SCAF11: variants seen among roughly 807,000 people sequenced by gnomAD.
SCAF11 encodes the protein SR-related CTD associated factor 11.
Under a neutral mutation model 140.5 loss-of-function variants are expected in SCAF11, and 47 were observed. The ratio of observed to expected loss-of-function variants is 0.33; its 90% CI spans 0.26 to 0.43. The LOEUF is 0.43. SCAF11 is among the 20% of genes least tolerant of loss of function. The pLI is 1.00. For missense variants in SCAF11, 1,645 were observed against 1,705.1 expected (o/e 0.96, Z 0.62); for synonymous variants, 557 against 579.4 (o/e 0.96, Z 0.55).
chr12:45,950,042 T>C (rs545462809), intron 4 of SCAF11, among the ~76,000 whole-genome samples: 5 of 152,224 alleles, frequency 3.3e-5, no homozygotes, highest in South Asian at 2.1e-4. Context: ...CATACATACA[T>C]ACATACATAC....
chr12:45,959,815 T>C (rs1234084590), intron 3 of SCAF11, among the ~76,000 whole-genome samples: 1 of 152,220 alleles, frequency 6.6e-6, no homozygotes, highest in Non-Finnish European at 1.5e-5. Flanking sequence ...TTTATTTAAA[T>C]GATGATTGCT....
Position 45,948,555 on chromosome 12 carries a change from T to A in SCAF11, c.298-18A>T. The A allele has an allele frequency of 6.9e-7, 1 of 1,446,594 alleles. No individual in the cohort carries two copies. Among genetic ancestry groups the A allele is most frequent in the Non-Finnish European group, 9.6e-7 (1 of 1,036,506 alleles). The allele number at this position is 1,446,594 out of a possible 1,614,324, so 89.6% of individuals were successfully genotyped here. ...ACTTGAACCTATGAGAAAAGCAAAA[T>A]CAATTTAGAGCAACAATCCAGCCTT... On this transcript the variant is annotated intron_variant, in intron 4 of 14. Transcript: ENST00000369367.
At chr12:45,977,824 T>G (rs1358013991) in intron 1 of SCAF11, among the ~76,000 whole-genome samples, 1 of 152,110 alleles carries the variant, frequency 6.6e-6, no homozygotes, top group Non-Finnish European at 1.5e-5. Context: ...CTGACAGTTC[T>G]GAGAGACAAC....
At chr12:45,966,645 T>C (rs1945956941) in intron 1 of SCAF11, among the ~76,000 whole-genome samples, 1 of 152,088 alleles carries the variant, frequency 6.6e-6, no homozygotes, top group Non-Finnish European at 1.5e-5. Context: ...GAGACAGTTA[T>C]GTGAATATCA....
intron 3 of SCAF11, among the ~76,000 whole-genome samples, chr12:45,959,475 G>A (rs925740423): frequency 6.6e-6 from 1 of 152,154 alleles, no homozygotes; most frequent in Non-Finnish European, 1.5e-5. Flanking sequence ...CATAAGGCAT[G>A]GCCTGTTAGA....
chr12:45,936,054 C>A (rs1195105763), intron 6 of SCAF11, among the ~76,000 whole-genome samples: 3 of 152,062 alleles, frequency 2.0e-5, no homozygotes, highest in Non-Finnish European at 2.9e-5. Context: ...TTTCTGCTTC[C>A]CCAAAGCACT....
In SCAF11 at chr12:45,928,004, C is replaced by A. The variant is rs757867125; in HGVS notation, c.1697G>T (p.Cys566Phe). Reference protein sequence around the residue: ...SESKVYQPVSCPLSDLSENVE... With the variant: ...SESKVYQPVSFPLSDLSENVE... Reference sequence around the variant, plus strand: ...ATTCTCAGATAAGTCACTTAGGGGACAAGATACAGGTTGGTACACTTTGCT... The same window carrying A: ...ATTCTCAGATAAGTCACTTAGGGGAAAAGATACAGGTTGGTACACTTTGCT... The change falls in exon 11 of 15, where the codon TGT becomes TTT. Residue 566 changes from cysteine (C) to phenylalanine (F), a missense_variant. By Grantham distance (205) the Cys-to-Phe change is radical. Transcript: ENST00000369367. The A allele has an allele frequency of 2.5e-6, 4 of 1,613,062 alleles. No individual in the cohort carries two copies. The highest frequency in any genetic ancestry group is 3.4e-6 in the Non-Finnish European group (4 of 1,179,970).
Position 45,961,778 on chromosome 12 carries a change from A to C in SCAF11, c.141T>G (p.Cys47Trp). Residue 47 changes from cysteine (C) to tryptophan (W), a missense_variant, in exon 3 of 15, where the codon TGT becomes TGG. By Grantham distance (215) the Cys-to-Trp change is radical. Transcript: ENST00000369367. ...GAAAACCAACTTCCTTTTCTAATAG[A>C]CAATTAAGACATATTGGGCATCTGT... Reference protein sequence around the residue: ...EADRCPICLNCLLEKEVGFPE... With the variant: ...EADRCPICLNWLLEKEVGFPE... The C allele has an allele frequency of 6.2e-7, 1 of 1,613,096 alleles. No homozygotes were observed. The highest frequency in any genetic ancestry group is 8.5e-7 in the Non-Finnish European group (1 of 1,179,284).
rs1944722249 is a variant in SCAF11 at position 45,921,870 on chromosome 12, C to T, written c.*178G>A. On this transcript the variant is annotated 3_prime_UTR_variant, in exon 15 of 15. Transcript: ENST00000369367. Reference sequence around the variant, plus strand: ...GGAGGGTGGAGGGGAAGGAAGGATACAGAAGTTGCAGTGCAGACCTATATT... The same window carrying T: ...GGAGGGTGGAGGGGAAGGAAGGATATAGAAGTTGCAGTGCAGACCTATATT... 1.6e-6 allele frequency: 1 copy of T among 640,938 alleles called. No individual in the cohort carries two copies. The allele number at this position is 640,938 out of a possible 1,614,324, so 39.7% of individuals were successfully genotyped here.
At chr12:45,991,790 C>T, upstream of SCAF11, 2 of 942,728 alleles carry the variant, frequency 2.1e-6, no homozygotes, top group Non-Finnish European at 2.7e-6. Flanking sequence ...TCAGTGTCCC[C>T]CATCTACCAG....
Position 45,987,963 on chromosome 12 carries a change from T to C in SCAF11, c.-22+2390A>G, listed in dbSNP as rs547713341. Among the ~76,000 whole-genome samples, 6 of 152,326 alleles carry C rather than the reference T, an allele frequency of 3.9e-5. No homozygotes were observed. The East Asian group carries it at 5.8e-4, about 15-fold the overall frequency. ...ACTAGGATTTCATACATTAAGTTCA[T>C]AGACACAACTTAAAAAAATACAATG... On this transcript the variant is annotated intron_variant, in intron 1 of 14. Coordinates refer to ENST00000369367, the MANE Select transcript of SCAF11 (RefSeq NM_004719.3).
At chr12:45,968,315 T>C (rs1167419368) in intron 1 of SCAF11, among the ~76,000 whole-genome samples, 1 of 152,212 alleles carries the variant, frequency 6.6e-6, no homozygotes, top group Non-Finnish European at 1.5e-5. Flanking sequence ...CTAGGCTTTA[T>C]CTTTCCAAGC....
Position 45,927,047 on chromosome 12 carries a change from C to T in SCAF11, c.2654G>A (p.Arg885Lys), listed in dbSNP as rs1944888538. ...SRRSESLSPRRETSRENKRSQ... is the reference protein window; with the variant it reads ...SRRSESLSPRKETSRENKRSQ... Reference sequence around the variant, plus strand: ...TCTTTTGTTCTCTCTAGAAGTTTCTCTTCTTGGGGACAGTGATTCAGATCT... The same window carrying T: ...TCTTTTGTTCTCTCTAGAAGTTTCTTTTCTTGGGGACAGTGATTCAGATCT... The change falls in exon 11 of 15, where the codon AGA (arginine) becomes AAA (lysine). Residue 885 changes from arginine to lysine, a missense_variant. Coordinates refer to ENST00000369367, the MANE Select transcript of SCAF11 (RefSeq NM_004719.3). 1.2e-6 allele frequency: 2 copies of T among 1,614,070 alleles called. No homozygotes were observed. The highest frequency in any genetic ancestry group is 1.3e-5 in the African/African-American group (1 of 75,022).
At position 45,928,511 on chromosome 12, in the gene SCAF11, G is replaced by A; in HGVS notation, c.1190C>T (p.Pro397Leu). ...KKKLRSSVAA[P>L]EKSSSNDSVD... ...TGAATCATTGGAAGATGATTTTTCA[G>A]GGGCAGCTACAGAGCTCCGAAGTTT... is the stretch of plus-strand genomic sequence containing the variant. The change falls in exon 11 of 15, where the codon CCT becomes CTT. Residue 397 changes from proline to leucine, a missense_variant. Around this residue, in one of 2 missense-constraint regions of SCAF11, gnomAD observed 1,582 missense variants for 1,609.2 expected, o/e 0.98. Coordinates refer to ENST00000369367, the MANE Select transcript of SCAF11 (RefSeq NM_004719.3). 1 of 1,613,562 alleles carries A rather than the reference G, an allele frequency of 6.2e-7. No individual in the cohort carries two copies. Among genetic ancestry groups the A allele is most frequent in the Non-Finnish European group, 8.5e-7 (1 of 1,179,814 alleles).
chr12:45,981,396 C>T (rs1156680536), intron 1 of SCAF11, among the ~76,000 whole-genome samples: 1 of 152,058 alleles, frequency 6.6e-6, no homozygotes, highest in Non-Finnish European at 1.5e-5. Flanking sequence ...AAGAAATAAC[C>T]CTGATATTAA....
rs868454279 is a variant in SCAF11 at position 45,990,271 on chromosome 12, G to C, written c.-22+82C>G. On this transcript the variant is annotated intron_variant, in intron 1 of 14. Coordinates refer to ENST00000369367, the MANE Select transcript of SCAF11 (RefSeq NM_004719.3). The stretch of plus-strand genomic sequence containing the variant: ...CTCGCGTCGCCCTAGGCCCGCTCCA[G>C]CGCTCTGCGCCGGCCGCTAACCCTC... 47 of 1,230,142 alleles carry C rather than the reference G, an allele frequency of 3.8e-5. 1 individual carries two copies. In the Middle Eastern group the frequency reaches 9.3e-4, roughly 24 times the overall value. 76.2% of individuals were successfully genotyped at this position (1,230,142 alleles called of 1,614,324 possible). A position where few individuals can be genotyped will look rare whatever the true frequency, so the allele number is the denominator to read the frequency against.
At chr12:45,962,754 A>T (rs963027224) in intron 2 of SCAF11, among the ~76,000 whole-genome samples, 2 of 152,234 alleles carry the variant, frequency 1.3e-5, no homozygotes, top group African/African-American at 4.8e-5. Context: ...TAATCCTGAT[A>T]GACTCCAGTA....
At chr12:45,953,268 T>A (rs1172410403) in intron 3 of SCAF11, among the ~76,000 whole-genome samples, 7 of 152,232 alleles carry the variant, frequency 4.6e-5, no homozygotes, top group Admixed American at 4.6e-4. Context: ...TAATGCATTG[T>A]CTAGTTCGAA....
At chr12:45,954,292 C>T (rs1214889111) in intron 3 of SCAF11, among the ~76,000 whole-genome samples, 1 of 151,922 alleles carries the variant, frequency 6.6e-6, no homozygotes, top group East Asian at 1.9e-4. Context: ...AGTGCAGTGG[C>T]ACTATCATGG....
Sources: gnomAD v4.1 joint callset for allele counts (sites outside exome capture counted in the v4.1 genomes callset) on GRCh38, gnomAD v4.1.1 for gene constraint, gnomAD v4.1.1 regional missense constraint, MANE v1.5 for transcripts, NCBI Gene and HGNC (gene_info 2026-07-23, HGNC 2026-07-21) for gene names.